The following COQ3 variants were observed in gnomAD, a reference collection of about 807,000 sequenced individuals.
The protein encoded by COQ3 is coenzyme Q3, methyltransferase, also known as ubiquinone biosynthesis O-methyltransferase, mitochondrial.
COQ3 carries 29 observed loss-of-function variants against 33.1 expected under a neutral mutation model. The ratio of observed to expected loss-of-function variants is 0.88; its 90% confidence interval spans 0.65 to 1.19. The LOEUF is 1.19. Ranked by LOEUF, COQ3 falls within the 50% of genes most tolerant of loss-of-function variation. The probability of loss-of-function intolerance (pLI) is 0.00; values close to 1 mark genes in which losing one functional copy is unlikely to be tolerated. For missense variants in COQ3, 437 were observed against 430.7 expected (o/e 1.01, Z -0.13); for synonymous variants, 173 against 157.8 (o/e 1.10, Z -0.72).
Position 99,380,173 on chromosome 6 carries a change from G to A in COQ3, c.386+16C>T, listed in dbSNP as rs750880593. On this transcript the variant is annotated intron_variant, in intron 3 of 6. Coordinates refer to ENST00000254759, the MANE Select transcript of COQ3 (RefSeq NM_017421.4). ...AAAGTTCCATTTAAAAAGACTTAGA[G>A]TTTCTGGAGTGTTACCTAATAAATG... 3.1e-6 allele frequency: 5 copies of A among 1,608,434 alleles called. No individual in the cohort carries two copies. In the African/African-American group the frequency reaches 5.4e-5, roughly 17 times the overall value.
chr6:99,385,891 C>T (rs1255384458), intron 1 of COQ3, among the ~76,000 whole-genome samples: 1 of 148,400 alleles, frequency 6.7e-6, no homozygotes, highest in Middle Eastern at 3.5e-3. Context: ...GCAGAAGAAT[C>T]GCTTGAACCT....
intron 1 of COQ3, among the ~76,000 whole-genome samples, chr6:99,384,372 G>A (rs931621978): frequency 2.6e-5 from 4 of 152,052 alleles, no homozygotes; most frequent in African/African-American, 4.8e-5. Flanking sequence ...AACAAGTAAT[G>A]CATCTGTTTA....
chr6:99,392,385 A>G (rs1283345345), intron 1 of COQ3, among the ~76,000 whole-genome samples: 6 of 152,144 alleles, frequency 3.9e-5, no homozygotes, highest in Non-Finnish European at 8.8e-5. Context: ...GTTATTTCTT[A>G]AACATAAATC....
chr6:99,384,668 T>C (rs530955929), intron 1 of COQ3, among the ~76,000 whole-genome samples: 1 of 152,350 alleles, frequency 6.6e-6, no homozygotes, highest in East Asian at 1.9e-4. Context: ...GCCTGCTTTA[T>C]GAGCCAGCAG....
At chr6:99,383,913 T>C in intron 1 of COQ3, 89 bp from the exon 2 acceptor site, 4 of 1,062,166 alleles carry the variant, frequency 3.8e-6, no homozygotes, top group Non-Finnish European at 5.2e-6. Context: ...TTTTATTTTA[T>C]TATTTATTTT....
Position 99,376,109 on chromosome 6 carries a change from T to C in COQ3, c.560A>G (p.His187Arg), listed in dbSNP as rs769113299. ...ATCCAGGACTGGATCAAATGATTTA[T>C]GGCATTGTGCTGTTTTAATGTTCTC... ...VDENIKTAQC[H>R]KSFDPVLDKR... The change falls in exon 5 of 7, where the codon CAT becomes CGT. Residue 187 changes from histidine to arginine, a missense_variant. Coordinates refer to ENST00000254759, the MANE Select transcript of COQ3 (RefSeq NM_017421.4). 6.8e-6 allele frequency: 11 copies of C among 1,614,036 alleles called. No individual in the cohort carries two copies. The highest frequency in any genetic ancestry group is 1.3e-5 in the African/African-American group (1 of 74,932).
chr6:99,386,315 A>G (rs1774653164), intron 1 of COQ3, among the ~76,000 whole-genome samples: 1 of 152,044 alleles, frequency 6.6e-6, no homozygotes, highest in Admixed American at 6.6e-5. Flanking sequence ...CTGTAATTCC[A>G]GTAACTCTGG....
intron 4 of COQ3, among the ~76,000 whole-genome samples, chr6:99,377,135 G>A (rs949098112): frequency 7.6e-5 from 9 of 118,872 alleles, no homozygotes; most frequent in South Asian, 2.8e-4. Flanking sequence ...TCAGCCTCCC[G>A]AGTAGCTGGG....
At chr6:99,379,165 C>T (rs575400729) in intron 3 of COQ3, among the ~76,000 whole-genome samples, 5 of 152,148 alleles carry the variant, frequency 3.3e-5, no homozygotes, top group South Asian at 2.1e-4. Flanking sequence ...TCCCTCGCCC[C>T]TCATACTAAA....
rs756681068 is a variant in COQ3 at position 99,377,375 on chromosome 6, C to T, written c.486+11G>A. 2 of 1,599,406 alleles carry T rather than the reference C, an allele frequency of 1.3e-6. No homozygotes were observed. The highest frequency in any genetic ancestry group is 2.2e-5 in the South Asian group (2 of 90,768). On this transcript the variant is annotated intron_variant, in intron 4 of 6. Transcript: ENST00000254759. ...CTCCCAGTTAAAAATGGCAGGAAAG[C>T]TGTCACTTACTTCAGTTAACAGCCC... is the stretch of plus-strand genomic sequence containing the variant.
chr6:99,383,135 A>AAAC (rs149299867), intron 2 of COQ3: 24 of 152,244 alleles, frequency 1.6e-4, no homozygotes, highest in African/African-American at 5.8e-4. Flanking sequence ...CTCCACCTCA[A>AAAC]AACAACAACA....
At chr6:99,385,659 A>C (rs1774605291) in intron 1 of COQ3, among the ~76,000 whole-genome samples, 2 of 152,160 alleles carry the variant, frequency 1.3e-5, no homozygotes, top group Admixed American at 6.5e-5. Flanking sequence ...TATATCACTA[A>C]AATAATCATA....
intron 5 of COQ3, among the ~76,000 whole-genome samples, chr6:99,374,491 A>G (rs1774231845): frequency 6.6e-6 from 1 of 152,230 alleles, no homozygotes. Flanking sequence ...AAAATTACTT[A>G]AAATTTCAAT....
chr6:99,384,625 T>C (rs1562208044), intron 1 of COQ3, among the ~76,000 whole-genome samples: 1 of 152,174 alleles, frequency 6.6e-6, no homozygotes, highest in African/African-American at 2.4e-5. Flanking sequence ...AAAATAAACA[T>C]TCACCCAGTC....
intron 3 of COQ3, among the ~76,000 whole-genome samples, chr6:99,378,700 T>TA (rs1384555648): frequency 6.6e-6 from 1 of 152,186 alleles, no homozygotes. Flanking sequence ...GCCTACACTT[T>TA]GAGACCCAGT....
At position 99,380,348 on chromosome 6, in the gene COQ3, G is replaced by C; in HGVS notation, c.234-7C>G. 6.2e-7 allele frequency: 1 copy of C among 1,612,222 alleles called. No individual in the cohort carries two copies. The highest frequency in any genetic ancestry group is 8.5e-7 in the Non-Finnish European group (1 of 1,179,064). On this transcript the variant is annotated splice_region_variant and splice_polypyrimidine_tract_variant and intron_variant, in intron 2 of 6. Transcript: ENST00000254759. ...CAGTCTCGCCCAAGGGTACCTAAAA[G>C]GTGAAAATGAAGAACCAAGCAAATA...
chr6:99,391,098 T>TATTG (rs71702666), intron 1 of COQ3, among the ~76,000 whole-genome samples: 2 of 133,648 alleles, frequency 1.5e-5, no homozygotes, highest in African/African-American at 5.1e-5. Context: ...TTTATTTATT[T>TATTG]ATTTATTTAT....
chr6:99,376,155 T>G lies in COQ3; in HGVS notation c.514A>C (p.Ile172Leu), dbSNP rs753838060. ...EPLGRLGASV[I>L]GIDPVDENIK... The stretch of plus-strand genomic sequence containing the variant: ...TTCTCATCCACAGGGTCGATTCCAA[T>G]AACTGAAGCCCCAAGCCGCCCTAGA... The change falls in exon 5 of 7, where the codon ATT (isoleucine) becomes CTT (leucine). Residue 172 changes from isoleucine to leucine, a missense_variant. By Grantham distance (5) the Ile-to-Leu change is conservative (BLOSUM62 2). Coordinates refer to ENST00000254759, the MANE Select transcript of COQ3 (RefSeq NM_017421.4). 1 of 1,614,078 alleles carries G rather than the reference T, an allele frequency of 6.2e-7. No individual in the cohort carries two copies. The highest frequency in any genetic ancestry group is 1.1e-5 in the South Asian group (1 of 91,084).
rs563655315 is a variant in COQ3, at chr6:99,392,572, A to G, written c.106+1502T>C. Among the ~76,000 whole-genome samples the G allele has an allele frequency of 6.6e-5, 10 of 151,356 alleles. No individual in the cohort carries two copies. The East Asian group carries it at 1.9e-3, about 29-fold the overall frequency. ...CACTTTACTTTTCAAGGAACCTTGCAGTTTCTCACAAACTTTCTCACAGAT... is the reference window on the plus strand; with the variant it reads ...CACTTTACTTTTCAAGGAACCTTGCGGTTTCTCACAAACTTTCTCACAGAT... On this transcript the variant is annotated intron_variant, in intron 1 of 6. Transcript: ENST00000254759.
Sources: allele counts gnomAD v4.1 joint callset (sites outside exome capture counted in the v4.1 genomes callset), GRCh38; gene constraint gnomAD v4.1.1; transcripts MANE v1.5; gene names NCBI Gene and HGNC (gene_info 2026-07-23, HGNC 2026-07-21).